PCDHA4: variants seen among roughly 807,000 people sequenced by gnomAD.
PCDHA4 encodes protocadherin alpha-4.
PCDHA4 carries 49 observed loss-of-function variants against 61.4 expected under a neutral mutation model. That is an observed-to-expected ratio of 0.80 (90% confidence interval 0.63 to 1.01). The LOEUF is 1.01. Among genes scored for constraint, PCDHA4 ranks in the 50% least tolerant of loss-of-function variants. The pLI, the probability that PCDHA4 is intolerant of heterozygous loss-of-function variation, is 0.00. For missense variants in PCDHA4, 1,254 were observed against 1,235.8 expected, an observed-to-expected ratio of 1.01 and a Z score of -0.22; for synonymous variants, 590 against 550.3, an observed-to-expected ratio of 1.07 and a Z score of -1.01.
At chr5:140,982,025 C>A (rs1191670248) in intron 2 of PCDHA4, among the ~76,000 whole-genome samples, 1 of 152,180 alleles carries the variant, frequency 6.6e-6, no homozygotes, top group Non-Finnish European at 1.5e-5. Flanking sequence ...CAAATTGGAA[C>A]AATACTCCAA....
At chr5:140,853,080 C>A in intron 1 of PCDHA4, 1 of 301,148 alleles carries the variant, frequency 3.3e-6, no homozygotes, top group Non-Finnish European at 5.0e-6. Context: ...GGGGTTTCAC[C>A]GTGTTAGTCA....
intron 1 of PCDHA4, chr5:140,883,426 C>T: frequency 6.2e-7 from 1 of 1,614,196 alleles, no homozygotes; most frequent in Non-Finnish European, 8.5e-7. Context: ...GACAGGTCAC[C>T]TGCACCTTGA....
intron 1 of PCDHA4, chr5:140,849,633 G>A: frequency 6.3e-7 from 1 of 1,598,806 alleles, no homozygotes; most frequent in African/African-American, 1.3e-5. Flanking sequence ...CCTAGACGCA[G>A]ATGCCAACGG....
intron 1 of PCDHA4, among the ~76,000 whole-genome samples, chr5:140,965,867 C>T (rs1267904737): frequency 1.3e-5 from 2 of 152,164 alleles, no homozygotes; most frequent in Non-Finnish European, 2.9e-5. Context: ...AAAATAAGGG[C>T]CACTTGGCCG....
At chr5:140,823,377 G>A (rs1767681513) in intron 1 of PCDHA4, 2 of 1,612,774 alleles carry the variant, frequency 1.2e-6, no homozygotes, top group Non-Finnish European at 1.7e-6. Context: ...AGTTCCAGGT[G>A]AGCGCGCGCG....
At chr5:140,904,018 A>G (rs2070774543) in intron 1 of PCDHA4, among the ~76,000 whole-genome samples, 1 of 152,198 alleles carries the variant, frequency 6.6e-6, no homozygotes. Context: ...TTAAAAAATA[A>G]TGGTATAATT....
chr5:140,947,987 C>G (rs1554218389), intron 1 of PCDHA4, among the ~76,000 whole-genome samples: 1 of 144,778 alleles, frequency 6.9e-6, no homozygotes, highest in African/African-American at 2.6e-5. Context: ...AGGTTTTTCC[C>G]AAATACTTTA....
chr5:140,979,102 C>T (rs1263848262), intron 2 of PCDHA4, 95 bp downstream of exon 2: 1 of 1,541,684 alleles, frequency 6.5e-7, no homozygotes, highest in Non-Finnish European at 8.7e-7. Flanking sequence ...GCTGTCAAAA[C>T]TAAAAAGCTT....
chr5:140,836,814 A>G (rs1264836284), intron 1 of PCDHA4: 2 of 1,218,204 alleles, frequency 1.6e-6, no homozygotes, highest in African/African-American at 1.5e-5. Flanking sequence ...TTTCTTTCAT[A>G]ATTTCTTTTT....
chr5:140,816,242 T>C (rs1481893291), intron 1 of PCDHA4: 2 of 152,240 alleles, frequency 1.3e-5, no homozygotes, highest in South Asian at 2.1e-4. Flanking sequence ...TCAAATGATG[T>C]GTCCTTGAGT....
At chr5:140,960,131 C>T (rs781965980) in intron 1 of PCDHA4, among the ~76,000 whole-genome samples, 11 of 152,114 alleles carry the variant, frequency 7.2e-5, no homozygotes, top group African/African-American at 9.7e-5. Context: ...TTATGAAATA[C>T]TTAGATATTA....
In PCDHA4 at chr5:140,938,408, G is replaced by A. The variant is rs115039361; in HGVS notation, c.2386-40541G>A. Among the ~76,000 whole-genome samples, 826 of 151,992 alleles carry A rather than the reference G, an allele frequency of 5.4e-3. 3 individuals are homozygous for A. The highest frequency in any genetic ancestry group is 0.019 in the African/African-American group (797 of 41,474). ...TAATATGAAATACATTGTTTGATTG[G>A]GTTTATTTGCAAAAATCCTTTATCA... On this transcript the variant is annotated intron_variant, in intron 1 of 3. Coordinates refer to ENST00000530339, the MANE Select transcript of PCDHA4 (RefSeq NM_018907.4).
rs782525734 is a variant in PCDHA4 at position 140,884,093 on chromosome 5, T to A, written c.2385+74521T>A. 3.1e-6 allele frequency: 5 copies of A among 1,613,500 alleles called. No homozygotes were observed. In the Admixed American group the frequency reaches 8.3e-5, roughly 27 times the overall value. ...TTCGGGCTACAATGCGTGGCTTTCGTATGAATTGCAGCTGGCGGCGGTCGG... is the reference window on the plus strand; with the variant it reads ...TTCGGGCTACAATGCGTGGCTTTCGAATGAATTGCAGCTGGCGGCGGTCGG... On this transcript the variant is annotated intron_variant, in intron 1 of 3. Coordinates refer to ENST00000530339, the MANE Select transcript of PCDHA4 (RefSeq NM_018907.4).
rs1298867948 is a variant in PCDHA4 at position 140,808,820 on chromosome 5, C to T, written c.1633C>T (p.Leu545=). Reference sequence around the variant, plus strand: ...CGCTCGCGATGCCGGCGTGCCACCTCTGGGCAGCAACGTGACGCTGCAGGT... The same window carrying T: ...CGCTCGCGATGCCGGCGTGCCACCTTTGGGCAGCAACGTGACGCTGCAGGT... ...VTARDAGVPP[L]GSNVTLQVFV... Residue 545 remains leucine, a synonymous_variant, in exon 1 of 4, where the codon CTG becomes TTG. Coordinates refer to ENST00000530339, the MANE Select transcript of PCDHA4 (RefSeq NM_018907.4). 1.9e-6 allele frequency: 3 copies of T among 1,612,966 alleles called. No homozygotes were observed. Among genetic ancestry groups the T allele is most frequent in the Non-Finnish European group, 2.5e-6 (3 of 1,179,862 alleles).
intron 1 of PCDHA4, chr5:140,850,438 T>C (rs1554144332): frequency 6.3e-7 from 1 of 1,597,768 alleles, no homozygotes; most frequent in Admixed American, 1.7e-5. Flanking sequence ...CAGCGCCTAC[T>C]GGTGCTGGTG....
Position 141,010,042 on chromosome 5 carries a change from TAGAGACCTCAG to T in PCDHA4, c.*107_*117del. ...TTTTTCCTATCTACATGAGCCCTCTTAGAGACCTCAGAAATCTGCAGAAAGTTCCCTGTGTC... is the reference window on the plus strand; with the variant it reads ...TTTTTCCTATCTACATGAGCCCTCTTAAATCTGCAGAAAGTTCCCTGTGTC... On this transcript the variant is annotated 3_prime_UTR_variant, in exon 4 of 4. Transcript: ENST00000530339. 6.3e-7 allele frequency: 1 copy of T among 1,594,374 alleles called. No individual in the cohort carries two copies. The highest frequency in any genetic ancestry group is 1.2e-5 in the South Asian group (1 of 86,942).
At chr5:140,934,590 G>T (rs1305372783) in intron 1 of PCDHA4, among the ~76,000 whole-genome samples, 4 of 151,886 alleles carry the variant, frequency 2.6e-5, no homozygotes, top group Admixed American at 2.6e-4. Context: ...TCTGTAATGG[G>T]TCTTCAACTA....
At position 140,969,285 on chromosome 5, in the gene PCDHA4, C is replaced by T. The variant is rs782734189; in HGVS notation, c.2386-9664C>T. The stretch of plus-strand genomic sequence containing the variant: ...CTCACAGGCCAAAGTGGTCAGAATG[C>T]TGGGAACCTGATTATTCTCAAAAAT... On this transcript the variant is annotated intron_variant, in intron 1 of 3. Coordinates refer to ENST00000530339, the MANE Select transcript of PCDHA4 (RefSeq NM_018907.4). 51 of 1,614,062 alleles carry T rather than the reference C, an allele frequency of 3.2e-5. No individual in the cohort carries two copies. The highest frequency in any genetic ancestry group is 4.3e-5 in the Non-Finnish European group (51 of 1,180,038).
intron 1 of PCDHA4, among the ~76,000 whole-genome samples, chr5:140,924,643 C>G (rs2081929149): frequency 1.3e-5 from 2 of 152,196 alleles, no homozygotes; most frequent in Admixed American, 1.3e-4. Flanking sequence ...ACCTGTAATC[C>G]CAGCACTTTG....
Sources: allele counts gnomAD v4.1 joint callset (sites outside exome capture counted in the v4.1 genomes callset), GRCh38; gene constraint gnomAD v4.1.1; transcripts MANE v1.5; gene names NCBI Gene and HGNC (gene_info 2026-07-23, HGNC 2026-07-21).